The following SPRING1 variants were observed in gnomAD, a reference collection of about 807,000 sequenced individuals.
The protein encoded by SPRING1 is SREBF pathway regulator in golgi 1, also known as SREBP regulating gene protein.
A neutral mutation model predicts 24.7 loss-of-function variants in SPRING1; 14 were observed. The ratio of observed to expected loss-of-function variants is 0.57; its 90% CI spans 0.37 to 0.88. SPRING1 has a LOEUF of 0.88. Among genes scored for constraint, SPRING1 ranks in the 40% least tolerant of loss-of-function variants. SPRING1 has a pLI of 0.00. For synonymous variants in SPRING1, 93 were observed against 106.1 expected (o/e 0.88, Z 0.76); for missense variants, 255 against 268.4 (o/e 0.95, Z 0.35).
At chr12:116,725,668 G>A (rs551822512) in intron 1 of SPRING1, among the ~76,000 whole-genome samples, 23 of 152,228 alleles carry the variant, frequency 1.5e-4, no homozygotes, top group Non-Finnish European at 2.8e-4. Context: ...GGCGGATCAC[G>A]AGTTCAGAAG....
chr12:116,719,941 T>C (rs1392956612), intron 3 of SPRING1, 65 bp from the exon 4 acceptor site: 1 of 1,382,728 alleles, frequency 7.2e-7, no homozygotes, highest in East Asian at 2.3e-5. Context: ...ACCTTGGCTA[T>C]CTCTCCTAAA....
rs1330177380 is a variant in SPRING1, at chr12:116,712,130, C to T, written c.*5680G>A. 3 of 152,210 alleles carry T rather than the reference C, an allele frequency of 2.0e-5. No individual in the cohort carries two copies. Among genetic ancestry groups the T allele is most frequent in the Non-Finnish European group, 2.9e-5 (2 of 68,044 alleles). 9.4% of individuals were successfully genotyped at this position (152,210 alleles called of 1,614,324 possible). ...TGTGTAGTCCTGAGAAAAAATAAAC[C>T]TGGACTCTTGGTAAAATATTTGAAT... On this transcript the variant is annotated 3_prime_UTR_variant, in exon 5 of 5. Coordinates refer to ENST00000261318, the MANE Select transcript of SPRING1 (RefSeq NM_024738.4).
At chr12:116,718,166 G>A (rs1488614154) in intron 4 of SPRING1, among the ~76,000 whole-genome samples, 3 of 152,188 alleles carry the variant, frequency 2.0e-5, no homozygotes, top group Non-Finnish European at 4.4e-5. Flanking sequence ...AAATAACTTT[G>A]CTGTGACCTG....
At chr12:116,719,473 C>G (rs1870312820) in intron 4 of SPRING1, among the ~76,000 whole-genome samples, 1 of 152,182 alleles carries the variant, frequency 6.6e-6, no homozygotes, top group South Asian at 2.1e-4. Flanking sequence ...AGGACTCTAC[C>G]AGACTTAAAA....
At position 116,738,064 on chromosome 12, in the gene SPRING1, C is replaced by G; in HGVS notation, c.-164G>C. ...CCCGGCAGCCTTGGGCGCAGCCCCA[C>G]GTGACCCCGCCCTACGCCCCGCCTC... On this transcript the variant is annotated 5_prime_UTR_variant, in exon 1 of 5. Transcript: ENST00000261318. The G allele has an allele frequency of 1.9e-6, 2 of 1,077,600 alleles. No individual in the cohort carries two copies. Among genetic ancestry groups the G allele is most frequent in the Non-Finnish European group, 2.2e-6 (2 of 891,236 alleles). The allele number at this position is 1,077,600 out of a possible 1,614,324, so 66.8% of individuals were successfully genotyped here. A position where few individuals can be genotyped will look rare whatever the true frequency, so the allele number is the denominator to read the frequency against.
chr12:116,737,728 T>A lies in SPRING1; in HGVS notation c.111+62A>T, dbSNP rs1232313943. ...GGTAACGAAGGAAGGAAGGAGAAAG[T>A]AAAGTAAGGGGGAGGAAGGAAGGAA... is the stretch of plus-strand genomic sequence containing the variant. On this transcript the variant is annotated intron_variant, in intron 1 of 4. Coordinates refer to ENST00000261318, the MANE Select transcript of SPRING1 (RefSeq NM_024738.4). 1.6e-5 allele frequency: 20 copies of A among 1,273,250 alleles called. No homozygotes were observed. In the African/African-American group the frequency reaches 3.4e-4, roughly 22 times the overall value. 78.9% of individuals were successfully genotyped at this position (1,273,250 alleles called of 1,614,324 possible).
chr12:116,719,848 C>T lies in SPRING1; in HGVS notation c.449G>A (p.Arg150Gln), dbSNP rs150320799. Residue 150 changes from arginine (R) to glutamine (Q), a missense_variant, in exon 4 of 5, where the codon CGG becomes CAG. Coordinates refer to ENST00000261318, the MANE Select transcript of SPRING1 (RefSeq NM_024738.4). Reference protein sequence around the residue: ...KQLLLERFLNRAAVAFQNLFM... With the variant: ...KQLLLERFLNQAAVAFQNLFM... Reference sequence around the variant, plus strand: ...GAGGTTCTGGAATGCCACGGCTGCCCGGTTGAGGAAGCGCTCCAGGAGAAG... The same window carrying T: ...GAGGTTCTGGAATGCCACGGCTGCCTGGTTGAGGAAGCGCTCCAGGAGAAG... 3.1e-4 allele frequency: 501 copies of T among 1,614,142 alleles called. 2 individuals carry two copies. The highest frequency in any genetic ancestry group is 3.3e-4 in the Middle Eastern group (2 of 6,062).
At chr12:116,718,422 A>C (rs1208505275) in intron 4 of SPRING1, among the ~76,000 whole-genome samples, 1 of 152,270 alleles carries the variant, frequency 6.6e-6, no homozygotes, top group Non-Finnish European at 1.5e-5. Context: ...TAAAGCAGAC[A>C]ATCATTCCTG....
At position 116,738,041 on chromosome 12, in the gene SPRING1, C is replaced by A; in HGVS notation, c.-141G>T. On this transcript the variant is annotated 5_prime_UTR_variant, in exon 1 of 5. Coordinates refer to ENST00000261318, the MANE Select transcript of SPRING1 (RefSeq NM_024738.4). ...CGCCGCCCGCAGCCCAGTCTGCTCC[C>A]GGCAGCCTTGGGCGCAGCCCCACGT... 1 of 1,094,478 alleles carries A rather than the reference C, an allele frequency of 9.1e-7. No homozygotes were observed. Among genetic ancestry groups the A allele is most frequent in the South Asian group, 4.4e-5 (1 of 22,772 alleles). 67.8% of individuals were successfully genotyped at this position (1,094,478 alleles called of 1,614,324 possible). A position where few individuals can be genotyped will look rare whatever the true frequency, so the allele number is the denominator to read the frequency against.
chr12:116,725,639 A>G (rs1484893935), intron 1 of SPRING1, among the ~76,000 whole-genome samples: 1 of 152,200 alleles, frequency 6.6e-6, no homozygotes, highest in Non-Finnish European at 1.5e-5. Context: ...TAATCCCAAC[A>G]CTTTGGGAGG....
intron 1 of SPRING1, among the ~76,000 whole-genome samples, chr12:116,725,460 T>C (rs1190767982): frequency 1.3e-5 from 2 of 152,228 alleles, no homozygotes; most frequent in African/African-American, 4.8e-5. Flanking sequence ...GAGGGACGTA[T>C]GTGGTTATTA....
At chr12:116,724,884 G>A (rs1324479369) in intron 1 of SPRING1, among the ~76,000 whole-genome samples, 1 of 152,196 alleles carries the variant, frequency 6.6e-6, no homozygotes, top group African/African-American at 2.4e-5. Flanking sequence ...CTATGGGCAG[G>A]AAAATCTGTG....
chr12:116,732,563 G>A (rs7976188), intron 1 of SPRING1, among the ~76,000 whole-genome samples: 12 of 152,236 alleles, frequency 7.9e-5, no homozygotes, highest in African/African-American at 2.9e-4. Context: ...CAAAATTAGC[G>A]AGGCATGGTG....
rs869130716 is a variant in SPRING1, at chr12:116,714,794, CAAAAAAAAAAAAA to C, written c.*3003_*3015del. The C allele has an allele frequency of 3.6e-5, 2 of 55,154 alleles. No homozygotes were observed. The highest frequency in any genetic ancestry group is 4.7e-4 in the Admixed American group (2 of 4,226). The allele number at this position is 55,154 out of a possible 1,614,324, so 3.4% of individuals were successfully genotyped here. ...TGAGCAACAGAGCAAGACTCCATCG[CAAAAAAAAAAAAA>C]AAAAAAAAAGGCTCTAGCATTGCCA... On this transcript the variant is annotated 3_prime_UTR_variant, in exon 5 of 5. Coordinates refer to ENST00000261318, the MANE Select transcript of SPRING1 (RefSeq NM_024738.4).
intron 1 of SPRING1, among the ~76,000 whole-genome samples, chr12:116,736,546 CAT>C (rs1303622809): frequency 6.6e-6 from 1 of 152,194 alleles, no homozygotes; most frequent in Admixed American, 6.5e-5. Flanking sequence ...AGAGTGACCA[CAT>C]AGTTTTATCA....
rs1049649985 is a variant in SPRING1 at position 116,712,043 on chromosome 12, G to A, written c.*5767C>T. On this transcript the variant is annotated 3_prime_UTR_variant, in exon 5 of 5. Coordinates refer to ENST00000261318, the MANE Select transcript of SPRING1 (RefSeq NM_024738.4). ...GTAAACTACCCTATGAAAACCTCTG[G>A]CAGTGCTGATGAAAACACATTTCTG... is the stretch of plus-strand genomic sequence containing the variant. 1 of 152,184 alleles carries A rather than the reference G, an allele frequency of 6.6e-6. No homozygotes were observed. Among genetic ancestry groups the A allele is most frequent in the Non-Finnish European group, 1.5e-5 (1 of 68,042 alleles). 9.4% of individuals were successfully genotyped at this position (152,184 alleles called of 1,614,324 possible).
At chr12:116,727,183 T>C (rs919280358) in intron 1 of SPRING1, among the ~76,000 whole-genome samples, 1 of 152,224 alleles carries the variant, frequency 6.6e-6, no homozygotes, top group Non-Finnish European at 1.5e-5. Context: ...CATTCAAAGA[T>C]ATCTAGTTCT....
intron 1 of SPRING1, among the ~76,000 whole-genome samples, chr12:116,725,780 G>A (rs1870660171): frequency 6.6e-6 from 1 of 152,032 alleles, no homozygotes; most frequent in Non-Finnish European, 1.5e-5. Context: ...CAGCTACTCA[G>A]GAGGCTGAGG....
rs935271147 is a variant in SPRING1 at position 116,720,233 on chromosome 12, C to A, written c.420+63G>T. 6.6e-7 allele frequency: 1 copy of A among 1,525,010 alleles called. No individual in the cohort carries two copies. The highest frequency in any genetic ancestry group is 1.3e-5 in the South Asian group (1 of 76,890). The allele number at this position is 1,525,010 out of a possible 1,614,324, so 94.5% of individuals were successfully genotyped here. A position where few individuals can be genotyped will look rare whatever the true frequency, so the allele number is the denominator to read the frequency against. On this transcript the variant is annotated intron_variant, in intron 3 of 4. Coordinates refer to ENST00000261318, the MANE Select transcript of SPRING1 (RefSeq NM_024738.4). This position sits in a 1 kb window ranked among gnomAD's most constrained non-coding sequence, Gnocchi z 4.0. ...GGAATCTCACATGAAGAGCCTAATG[C>A]TCATCATAAAACAGAGGCCGAAAGA...
Sources: allele counts gnomAD v4.1 joint callset (sites outside exome capture counted in the v4.1 genomes callset), GRCh38; gene constraint gnomAD v4.1.1; non-coding constraint Gnocchi (gnomAD v3.1); transcripts MANE v1.5; gene names NCBI Gene and HGNC (gene_info 2026-07-23, HGNC 2026-07-21).